The following SIRT4 variants were observed in gnomAD, a reference collection of about 807,000 sequenced individuals.
The protein encoded by SIRT4 is NAD-dependent protein lipoamidase sirtuin-4, mitochondrial.
In SIRT4, 23 loss-of-function variants were observed where a neutral mutation model predicts 26.1. That is an observed-to-expected ratio of 0.88 (90% CI 0.63 to 1.25). The LOEUF (loss-of-function observed/expected upper bound fraction) is 1.25. SIRT4 is among the 50% of genes most tolerant of loss of function. The pLI is 0.00. For missense variants in SIRT4, 361 were observed against 405.4 expected (o/e 0.89, Z 0.94); for synonymous variants, 155 against 158.4 (o/e 0.98, Z 0.16).
In SIRT4 at chr12:120,312,581, C is replaced by G; in HGVS notation, c.623C>G (p.Ser208Ter). The part of the protein sequence containing the change: ...GLAPDGDVFL[S>*]EEQVRSFQVP... ...GCTCCTGATGGTGACGTCTTTCTCT[C>G]AGAGGAGCAAGTCCGGAGCTTTCAG... Residue 208 changes from serine to a stop codon, truncating the protein, a stop_gained, in exon 3 of 4, where the codon TCA (serine) becomes TGA (stop). Transcript: ENST00000202967. LOFTEE classifies it high-confidence loss of function. 1.2e-6 allele frequency: 2 copies of G among 1,614,196 alleles called. No individual in the cohort carries two copies. Among genetic ancestry groups the G allele is most frequent in the Non-Finnish European group, 1.7e-6 (2 of 1,180,040 alleles).
chr12:120,298,971 A>G (rs1478856966), upstream of SIRT4, among the ~76,000 whole-genome samples: 4 of 150,620 alleles, frequency 2.7e-5, no homozygotes, highest in Admixed American at 6.6e-5. Context: ...TCACGCCTGT[A>G]ATCCCAGTAC....
upstream of SIRT4, among the ~76,000 whole-genome samples, chr12:120,298,087 T>G (rs892774258): frequency 1.4e-5 from 2 of 142,308 alleles, no homozygotes; most frequent in East Asian, 4.2e-4. Context: ...TCCCAGATAC[T>G]GGGGAGGCTG....
At chr12:120,304,827 ATATATATATTTTTTTTTT>A (rs377466238) in intron 2 of SIRT4, among the ~76,000 whole-genome samples, 46,214 of 104,096 alleles carry the variant, frequency 0.44, 9,808 homozygotes, top group South Asian at 0.54. Context: ...ATATATATAT[ATATATATATTTTTTTTTT>A]TTTTTTTTTT....
At chr12:120,310,063 C>A (rs1335464555) in intron 2 of SIRT4, among the ~76,000 whole-genome samples, 1 of 151,876 alleles carries the variant, frequency 6.6e-6, no homozygotes, top group Non-Finnish European at 1.5e-5. Context: ...GACACCCAGG[C>A]TAGAGTGCAA....
rs61761941 is a variant in SIRT4, at chr12:120,312,618, C to A, written c.660C>A (p.Cys220Ter). Residue 220 changes from cysteine to a stop codon, truncating the protein, a stop_gained, in exon 3 of 4, where the codon TGC (cysteine) becomes TGA (stop). Coordinates refer to ENST00000202967, the MANE Select transcript of SIRT4 (RefSeq NM_012240.3). LOFTEE classifies it high-confidence loss of function. ...TCCGGAGCTTTCAGGTCCCAACCTG[C>A]GTTCAATGTGGAGGCCATCTGAAAC... ...EQVRSFQVPT[C>*]VQCGGHLKPD... is the part of the protein sequence containing the mutation. 6 of 1,614,026 alleles carry A rather than the reference C, an allele frequency of 3.7e-6. No homozygotes were observed. Among genetic ancestry groups the A allele is most frequent in the Admixed American group, 1.7e-5 (1 of 59,988 alleles).
At chr12:120,304,833 ATATTT>A (rs1262686610) in intron 2 of SIRT4, among the ~76,000 whole-genome samples, 3 of 8,226 alleles carry the variant, frequency 3.6e-4, no homozygotes, top group East Asian at 4.2e-3. Flanking sequence ...ATATATATAT[ATATTT>A]TTTTTTTTTT....
intron 2 of SIRT4, among the ~76,000 whole-genome samples, chr12:120,306,795 T>G (rs1022340090): frequency 1.3e-5 from 2 of 152,024 alleles, no homozygotes; most frequent in Non-Finnish European, 2.9e-5. Context: ...AGAGTGAGAC[T>G]CTATCTCAAT....
At chr12:120,308,688 T>C (rs771860327) in intron 2 of SIRT4, among the ~76,000 whole-genome samples, 70 of 152,190 alleles carry the variant, frequency 4.6e-4, no homozygotes, top group Non-Finnish European at 4.3e-4. Flanking sequence ...GGCAGTGCAG[T>C]TGGGTCTGCT....
At chr12:120,292,824 A>G in the SIRT4 span, among the ~76,000 whole-genome samples, 1 of 152,026 alleles carries the variant, frequency 6.6e-6, no homozygotes, top group African/African-American at 2.4e-5. Flanking sequence ...AAACAGTGCG[A>G]GAAAGAAAAC....
chr12:120,295,635 G>A, the SIRT4 span, among the ~76,000 whole-genome samples: 1 of 151,608 alleles, frequency 6.6e-6, no homozygotes, highest in East Asian at 1.9e-4. Context: ...AAAGGGTTTG[G>A]ACACCTTAAT....
At chr12:120,292,997 A>T in the SIRT4 span, 3 of 152,152 alleles carry the variant, frequency 2.0e-5, no homozygotes, top group Non-Finnish European at 4.4e-5. Flanking sequence ...CCCATCTCTC[A>T]TTTAGAGAGT....
At chr12:120,293,178 T>TA in the SIRT4 span, 3 of 152,258 alleles carry the variant, frequency 2.0e-5, no homozygotes, top group Non-Finnish European at 4.4e-5. Flanking sequence ...AGTTTTCAAT[T>TA]AGCAATAATC....
chr12:120,294,006 C>CT, the SIRT4 span, among the ~76,000 whole-genome samples: 27 of 84,000 alleles, frequency 3.2e-4, 2 homozygotes, highest in Admixed American at 6.3e-4. Flanking sequence ...GAGATGTTAT[C>CT]TTTTTTTTTT....
At position 120,312,950 on chromosome 12, in the gene SIRT4, A is replaced by G. The variant is rs201288066; in HGVS notation, c.859A>G (p.Ile287Val). Residue 287 changes from isoleucine to valine, a missense_variant, in exon 4 of 4, where the codon ATT (isoleucine) becomes GTT (valine). By Grantham distance (29) the Ile-to-Val change is conservative. Coordinates refer to ENST00000202967, the MANE Select transcript of SIRT4 (RefSeq NM_012240.3). ...GAAGCTCCCGATTGCAATACTGAAC[A>G]TTGGGCCCACACGGTCGGATGACTT... ...EKKLPIAILN[I>V]GPTRSDDLAC... is the part of the protein sequence containing the mutation. 7 of 1,614,050 alleles carry G rather than the reference A, an allele frequency of 4.3e-6. No homozygotes were observed. Among genetic ancestry groups the G allele is most frequent in the Non-Finnish European group, 5.9e-6 (7 of 1,180,050 alleles).
upstream of SIRT4, among the ~76,000 whole-genome samples, chr12:120,301,146 A>T (rs1872528007): frequency 6.6e-6 from 1 of 152,150 alleles, no homozygotes; most frequent in African/African-American, 2.4e-5. Context: ...GGAGATCAAG[A>T]CCATCCTGGC....
At chr12:120,291,808 A>C in the SIRT4 span, 1 of 152,200 alleles carries the variant, frequency 6.6e-6, no homozygotes, top group Non-Finnish European at 1.5e-5. Context: ...CTATATTTCA[A>C]GTCGTCATGG....
Position 120,303,629 on chromosome 12 carries a change from C to A in SIRT4, c.68C>A (p.Pro23Gln). ...CGTTGGATCGCAAACCCCAGCCAGC[C>A]GTGCTCGAAAGCCTCCATTGGGTTA... ...KGRWIANPSQ[P>Q]CSKASIGLFV... The change falls in exon 2 of 4, where the codon CCG becomes CAG. Residue 23 changes from proline (P) to glutamine (Q), a missense_variant. Pro to Gln is a moderately conservative substitution (Grantham distance 76). Coordinates refer to ENST00000202967, the MANE Select transcript of SIRT4 (RefSeq NM_012240.3). The A allele has an allele frequency of 6.2e-7, 1 of 1,614,124 alleles. No individual in the cohort carries two copies. The highest frequency in any genetic ancestry group is 8.5e-7 in the Non-Finnish European group (1 of 1,180,034).
At chr12:120,293,820 C>A in the SIRT4 span, among the ~76,000 whole-genome samples, 1 of 145,314 alleles carries the variant, frequency 6.9e-6, no homozygotes, top group Non-Finnish European at 1.5e-5. Context: ...AACCTCTTTT[C>A]TACTTTCTAT....
intron 2 of SIRT4, among the ~76,000 whole-genome samples, chr12:120,305,217 ATTTTC>A (rs1872706186): frequency 7.5e-6 from 1 of 133,648 alleles, no homozygotes; most frequent in East Asian, 2.3e-4. Flanking sequence ...ATTTTCTTTT[ATTTTC>A]TTTTGTGTTT....
Sources: gnomAD v4.1 joint callset for allele counts (sites outside exome capture counted in the v4.1 genomes callset) on GRCh38, gnomAD v4.1.1 for gene constraint, MANE v1.5 for transcripts, NCBI Gene and HGNC (gene_info 2026-07-23, HGNC 2026-07-21) for gene names.